The following FOXA3 variants were observed in gnomAD, a reference collection of about 807,000 sequenced individuals.
FOXA3 encodes hepatocyte nuclear factor 3-gamma.
Under a neutral mutation model 16.9 loss-of-function variants are expected in FOXA3, and 11 were observed. The ratio of observed to expected loss-of-function variants is 0.65; its 90% confidence interval spans 0.41 to 1.08. The LOEUF (loss-of-function observed/expected upper bound fraction) is 1.08, where lower values mean the gene tolerates loss of function less well. Among genes scored for constraint, FOXA3 ranks in the 50% least tolerant of loss-of-function variants. The pLI is 0.00. For synonymous variants in FOXA3, 217 were observed against 203.3 expected, an observed-to-expected ratio of 1.07 and a Z score of -0.57; for missense variants, 423 against 470.1, an observed-to-expected ratio of 0.90 and a Z score of 0.93.
intron 1 of FOXA3, among the ~76,000 whole-genome samples, chr19:45,870,949 G>A (rs1017670135): frequency 6.6e-6 from 1 of 151,874 alleles, no homozygotes; most frequent in Non-Finnish European, 1.5e-5. Flanking sequence ...AAATTAGCTG[G>A]GTGTGCGGTG....
At chr19:45,865,649 C>T (rs1406359140) in intron 1 of FOXA3, among the ~76,000 whole-genome samples, 1 of 151,934 alleles carries the variant, frequency 6.6e-6, no homozygotes, top group Non-Finnish European at 1.5e-5. Context: ...CTGCGGGGGC[C>T]CCAGTGTGCC....
At chr19:45,866,191 C>G (rs552804725) in intron 1 of FOXA3, among the ~76,000 whole-genome samples, 2 of 152,194 alleles carry the variant, frequency 1.3e-5, no homozygotes, top group African/African-American at 4.8e-5. Context: ...GTGGGAGGAT[C>G]TCTTGAGCCC....
intron 1 of FOXA3, among the ~76,000 whole-genome samples, chr19:45,865,039 T>C (rs1972069300): frequency 6.6e-6 from 1 of 151,926 alleles, no homozygotes; most frequent in Non-Finnish European, 1.5e-5. Flanking sequence ...GCTGGTAATC[T>C]AAGGTAGGGT....
At position 45,873,452 on chromosome 19, in the gene FOXA3, A is replaced by C. The variant is rs1195187288; in HGVS notation, c.*394A>C. On this transcript the variant is annotated 3_prime_UTR_variant, in exon 2 of 2. Coordinates refer to ENST00000302177, the MANE Select transcript of FOXA3 (RefSeq NM_004497.3). ...GGTGTACTTGGCACAGTAGGTGCCA[A>C]GTTGGCCACCATTCTGTGTAACACC... 1 of 257,556 alleles carries C rather than the reference A, an allele frequency of 3.9e-6. No individual in the cohort carries two copies. Among genetic ancestry groups the C allele is most frequent in the Admixed American group, 4.9e-5 (1 of 20,274 alleles). 16.0% of individuals were successfully genotyped at this position (257,556 alleles called of 1,614,324 possible).
chr19:45,865,230 G>A (rs1007184392), intron 1 of FOXA3, among the ~76,000 whole-genome samples: 6 of 151,980 alleles, frequency 3.9e-5, no homozygotes, highest in African/African-American at 7.3e-5. Flanking sequence ...ATGACCCTCC[G>A]CAGGGACTCC....
At chr19:45,867,779 C>CAAAAAAAAAA (rs60785587) in intron 1 of FOXA3, among the ~76,000 whole-genome samples, 2,707 of 55,302 alleles carry the variant, frequency 0.049, 280 homozygotes, top group East Asian at 0.16. Context: ...GACTCTATCT[C>CAAAAAAAAAA]AAAAAAAAAA....
Position 45,873,428 on chromosome 19 carries a change from G to C in FOXA3, c.*370G>C. On this transcript the variant is annotated 3_prime_UTR_variant, in exon 2 of 2. Coordinates refer to ENST00000302177, the MANE Select transcript of FOXA3 (RefSeq NM_004497.3). Reference sequence around the variant, plus strand: ...AGGTGCTGTGCCCACTTCTTTTTTGGTGTACTTGGCACAGTAGGTGCCAAG... The same window carrying C: ...AGGTGCTGTGCCCACTTCTTTTTTGCTGTACTTGGCACAGTAGGTGCCAAG... 3.3e-6 allele frequency: 1 copy of C among 306,686 alleles called. No individual in the cohort carries two copies. Among genetic ancestry groups the C allele is most frequent in the Non-Finnish European group, 6.3e-6 (1 of 159,796 alleles). 19.0% of individuals were successfully genotyped at this position (306,686 alleles called of 1,614,324 possible). A position where few individuals can be genotyped will look rare whatever the true frequency, so the allele number is the denominator to read the frequency against.
chr19:45,869,651 T>A (rs1360545954), intron 1 of FOXA3, among the ~76,000 whole-genome samples: 4 of 152,338 alleles, frequency 2.6e-5, no homozygotes, highest in African/African-American at 9.6e-5. Flanking sequence ...TGTATTAATA[T>A]ATAAAGTAAT....
At position 45,864,427 on chromosome 19, in the gene FOXA3, CG is replaced by C; in HGVS notation, c.-25del. On this transcript the variant is annotated 5_prime_UTR_variant, in exon 1 of 2. Coordinates refer to ENST00000302177, the MANE Select transcript of FOXA3 (RefSeq NM_004497.3). The stretch of plus-strand genomic sequence containing the variant: ...GCGCTCCGTTCCCCCGGGGCCGGAG[CG>C]GGGGCGGGTGGGGGCGTAAGCCCGG... 1 of 1,381,860 alleles carries C rather than the reference CG, an allele frequency of 7.2e-7. No individual in the cohort carries two copies. The highest frequency in any genetic ancestry group is 9.5e-7 in the Non-Finnish European group (1 of 1,050,404). 85.6% of individuals were successfully genotyped at this position (1,381,860 alleles called of 1,614,324 possible). A position where few individuals can be genotyped will look rare whatever the true frequency, so the allele number is the denominator to read the frequency against.
rs946035893 is a variant in FOXA3 at position 45,872,554 on chromosome 19, C to G, written c.549C>G (p.Asp183Glu). ...TCGTCAAGGTGGCGCGTTCCCCAGA[C>G]AAGCCTGGCAAGGGCTCCTACTGGG... ...DCFVKVARSP[D>E]KPGKGSYWAL... Residue 183 changes from aspartate to glutamate, a missense_variant, in exon 2 of 2, where the codon GAC becomes GAG. Coordinates refer to ENST00000302177, the MANE Select transcript of FOXA3 (RefSeq NM_004497.3). The surrounding 1 kb of genome is among the most constrained non-coding windows in gnomAD (Gnocchi z 4.5). 1.2e-6 allele frequency: 2 copies of G among 1,614,178 alleles called. No individual in the cohort carries two copies. The highest frequency in any genetic ancestry group is 1.3e-5 in the African/African-American group (1 of 75,056).
rs1279887401 is a variant in FOXA3, at chr19:45,864,533, C to T, written c.69+8C>T. On this transcript the variant is annotated splice_region_variant and intron_variant, in intron 1 of 1. Transcript: ENST00000302177. ...TACCCGGAGGCGGGCGAGGTGTGTC[C>T]TCGGGGATGGCGGAGCGGGAAGTTG... is the stretch of plus-strand genomic sequence containing the variant. 4 of 1,534,638 alleles carry T rather than the reference C, an allele frequency of 2.6e-6. No homozygotes were observed. The African/African-American group carries it at 4.2e-5, about 16-fold the overall frequency.
chr19:45,871,990 C>T, intron 1 of FOXA3, 85 bp from the exon 2 acceptor site: 3 of 1,340,000 alleles, frequency 2.2e-6, no homozygotes, highest in Admixed American at 2.1e-5. Flanking sequence ...GATGGACAGA[C>T]AGACGGACAC....
Position 45,872,605 on chromosome 19 carries a change from GT to G in FOXA3, c.603del (p.Phe201LeufsTer19). 1 of 1,614,220 alleles carries G rather than the reference GT, an allele frequency of 6.2e-7. No individual in the cohort carries two copies. Among genetic ancestry groups the G allele is most frequent in the Non-Finnish European group, 8.5e-7 (1 of 1,180,030 alleles). ...CCCTACACCCCAGCTCAGGGAACAT[GT>G]TTGAGAATGGCTGCTACCTGCGCCG... ...WALHPSSGNM[F>X]ENGCYLRRQK... On this transcript the variant is annotated frameshift_variant, in exon 2 of 2. Transcript: ENST00000302177. LOFTEE classifies it low-confidence loss of function (END_TRUNC). This position sits in a 1 kb window ranked among gnomAD's most constrained non-coding sequence, Gnocchi z 4.5.
rs1299773248 is a variant in FOXA3 at position 45,872,225 on chromosome 19, C to T, written c.220C>T (p.Leu74=). 1.9e-6 allele frequency: 3 copies of T among 1,605,726 alleles called. No individual in the cohort carries two copies. The highest frequency in any genetic ancestry group is 1.7e-5 in the Admixed American group (1 of 59,554). ...PLAPPAPAAP[L]GPTFPGLGVS... ...GGCACCCCCAGCACCTGCAGCCCCC[C>T]TGGGGCCCACTTTCCCAGGCCTGGG... Residue 74 remains leucine, a synonymous_variant, in exon 2 of 2, where the codon CTG becomes TTG. Transcript: ENST00000302177. The surrounding 1 kb of genome is among the most constrained non-coding windows in gnomAD (Gnocchi z 4.5).
chr19:45,869,832 C>T (rs578030236), intron 1 of FOXA3, among the ~76,000 whole-genome samples: 5 of 151,692 alleles, frequency 3.3e-5, no homozygotes, highest in African/African-American at 1.2e-4. Context: ...GTCGCCCAGG[C>T]TGGAGGGCAG....
chr19:45,864,453 G>T lies in FOXA3; in HGVS notation c.-4G>T, dbSNP rs1327547044. On this transcript the variant is annotated 5_prime_UTR_variant, in exon 1 of 2. Transcript: ENST00000302177. ...GGGGGCGGGTGGGGGCGTAAGCCCGGGGGATGCTGGGCTCAGTGAAGATGG... is the reference window on the plus strand; with the variant it reads ...GGGGGCGGGTGGGGGCGTAAGCCCGTGGGATGCTGGGCTCAGTGAAGATGG... The T allele has an allele frequency of 2.0e-6, 3 of 1,476,040 alleles. No individual in the cohort carries two copies. The highest frequency in any genetic ancestry group is 1.3e-5 in the South Asian group (1 of 75,068). 91.4% of individuals were successfully genotyped at this position (1,476,040 alleles called of 1,614,324 possible).
At chr19:45,868,916 C>G (rs535900872) in intron 1 of FOXA3, among the ~76,000 whole-genome samples, 2 of 152,254 alleles carry the variant, frequency 1.3e-5, no homozygotes, top group East Asian at 3.9e-4. Context: ...TTAGTCACTG[C>G]TTTTATTTTA....
chr19:45,873,013 C>G lies in FOXA3; in HGVS notation c.1008C>G (p.Val336=), dbSNP rs765577544. ...GGGCTGAAGGTGGGGAGCCTGGAGT[C>G]TACTACCAGGGCCTCTATTCCCGCT... The part of the protein sequence containing the change: ...GYGAEGGEPG[V]YYQGLYSRSL... Residue 336 remains valine (V), a synonymous_variant, in exon 2 of 2, where the codon GTC becomes GTG. Transcript: ENST00000302177. The G allele has an allele frequency of 4.1e-5, 66 of 1,611,044 alleles. No individual in the cohort carries two copies. Among genetic ancestry groups the G allele is most frequent in the Non-Finnish European group, 5.3e-5 (63 of 1,178,616 alleles).
chr19:45,873,399 C>G lies in FOXA3; in HGVS notation c.*341C>G, dbSNP rs894752415. The G allele has an allele frequency of 3.3e-5, 12 of 360,378 alleles. No homozygotes were observed. Among genetic ancestry groups the G allele is most frequent in the Non-Finnish European group, 6.3e-5 (12 of 191,694 alleles). The allele number at this position is 360,378 out of a possible 1,614,324, so 22.3% of individuals were successfully genotyped here. On this transcript the variant is annotated 3_prime_UTR_variant, in exon 2 of 2. Coordinates refer to ENST00000302177, the MANE Select transcript of FOXA3 (RefSeq NM_004497.3). ...CAGTGACATCTTCTTTGGCCCCCCC[C>G]ATTAGGTGCTGTGCCCACTTCTTTT... is the stretch of plus-strand genomic sequence containing the variant.
Sources: allele counts gnomAD v4.1 joint callset (sites outside exome capture counted in the v4.1 genomes callset), GRCh38; gene constraint gnomAD v4.1.1; non-coding constraint Gnocchi (gnomAD v3.1); transcripts MANE v1.5; gene names NCBI Gene and HGNC (gene_info 2026-07-23, HGNC 2026-07-21).